PDE7B: variants seen among roughly 807,000 people sequenced by gnomAD.
PDE7B encodes 3',5'-cyclic-AMP phosphodiesterase 7B.
PDE7B carries 29 observed loss-of-function variants against 56.2 expected under a neutral mutation model. The ratio of observed to expected loss-of-function variants is 0.52; its 90% CI spans 0.38 to 0.70. The LOEUF is 0.70. PDE7B is among the 30% of genes least tolerant of loss of function. The pLI is 0.00. For missense variants in PDE7B, 490 were observed against 565.0 expected, an observed-to-expected ratio of 0.87 and a Z score of 1.35; for synonymous variants, 197 against 196.9, an observed-to-expected ratio of 1.00 and a Z score of 0.00.
intron 2 of PDE7B, among the ~76,000 whole-genome samples, chr6:136,102,543 G>A (rs1323682619): frequency 6.6e-6 from 1 of 152,184 alleles, no homozygotes; most frequent in African/African-American, 2.4e-5. Flanking sequence ...TAGTCCCCAA[G>A]TTGACTCCTC....
Position 135,891,236 on chromosome 6 carries a change from C to T in PDE7B, c.21+39217C>T, listed in dbSNP as rs544930853. On this transcript the variant is annotated intron_variant, in intron 1 of 12. Transcript: ENST00000308191. Reference sequence around the variant, plus strand: ...ATTAGGCTTCAAAGCAGAAGCCATACATTTATTTTCAAGATGAGAACCCAA... The same window carrying T: ...ATTAGGCTTCAAAGCAGAAGCCATATATTTATTTTCAAGATGAGAACCCAA... Among the ~76,000 whole-genome samples the T allele has an allele frequency of 2.6e-5, 4 of 152,246 alleles. No homozygotes were observed. The East Asian group carries it at 7.7e-4, about 29-fold the overall frequency.
chr6:136,127,578 A>T (rs1020080187), intron 3 of PDE7B, among the ~76,000 whole-genome samples: 3 of 152,126 alleles, frequency 2.0e-5, no homozygotes, highest in African/African-American at 7.2e-5. Flanking sequence ...CTTTTGGCTT[A>T]AAGTTGGTAA....
At chr6:136,165,687 A>G (rs1472682351) in intron 8 of PDE7B, 2 of 152,158 alleles carry the variant, frequency 1.3e-5, no homozygotes, top group African/African-American at 4.8e-5. Flanking sequence ...CAGTGAGAAG[A>G]TAGAATGGGG....
Position 136,148,977 on chromosome 6 carries a change from G to A in PDE7B, c.319-110G>A, listed in dbSNP as rs1778466609. 4.1e-6 allele frequency: 3 copies of A among 738,532 alleles called. No individual in the cohort carries two copies. In the East Asian group the frequency reaches 7.8e-5, roughly 19 times the overall value. The allele number at this position is 738,532 out of a possible 1,614,324, so 45.7% of individuals were successfully genotyped here. On this transcript the variant is annotated intron_variant, in intron 4 of 12. Transcript: ENST00000308191. ...AACCATTCATTTGCACTAGATGGTA[G>A]TATGCTAGGATTTTCAACTTTTTAA... is the stretch of plus-strand genomic sequence containing the variant.
rs570728482 is a variant in PDE7B at position 136,146,013 on chromosome 6, T to C, written c.167-1338T>C. 5.9e-5 allele frequency among the ~76,000 whole-genome samples: 9 copies of C among 152,284 alleles called. No homozygotes were observed. The South Asian group carries it at 1.0e-3, about 18-fold the overall frequency. ...GTGTAAAACTGAACCACTCCAGACC[T>C]GGTCCACCTATAGCCTGCCCTTGAA... On this transcript the variant is annotated intron_variant, in intron 3 of 12. Transcript: ENST00000308191.
intron 2 of PDE7B, among the ~76,000 whole-genome samples, chr6:136,060,964 T>C (rs966169938): frequency 1.3e-5 from 2 of 152,244 alleles, no homozygotes; most frequent in Admixed American, 6.5e-5. Context: ...TTCTGGAACA[T>C]TGTGCCATGC....
chr6:135,914,015 G>A (rs772584325), intron 1 of PDE7B, among the ~76,000 whole-genome samples: 4 of 152,132 alleles, frequency 2.6e-5, no homozygotes, highest in Non-Finnish European at 5.9e-5. Flanking sequence ...GAGTGAGTGT[G>A]AGATCTCACT....
chr6:136,027,014 G>A (rs1776164323), intron 2 of PDE7B, among the ~76,000 whole-genome samples: 1 of 152,150 alleles, frequency 6.6e-6, no homozygotes, highest in South Asian at 2.1e-4. Context: ...CACCTTTATA[G>A]AAAGAGACAC....
chr6:135,952,829 A>G (rs1188862806), intron 2 of PDE7B, among the ~76,000 whole-genome samples: 1 of 152,160 alleles, frequency 6.6e-6, no homozygotes, highest in Non-Finnish European at 1.5e-5. Context: ...TACTGTCATC[A>G]TTGGCCCTAA....
intron 2 of PDE7B, among the ~76,000 whole-genome samples, chr6:136,035,963 A>G (rs1776320450): frequency 6.6e-6 from 1 of 152,234 alleles, no homozygotes; most frequent in Admixed American, 6.5e-5. Context: ...GCTAAGTACT[A>G]TTGCAAAATA....
At chr6:135,918,519 T>C (rs936139945) in intron 1 of PDE7B, among the ~76,000 whole-genome samples, 1 of 152,216 alleles carries the variant, frequency 6.6e-6, no homozygotes, top group South Asian at 2.1e-4. Context: ...TCCAGTTTTG[T>C]TTCTGTACCA....
chr6:135,959,475 A>G (rs1176098737), intron 2 of PDE7B, among the ~76,000 whole-genome samples: 1 of 152,200 alleles, frequency 6.6e-6, no homozygotes, highest in Admixed American at 6.5e-5. Context: ...GAACTCAAAA[A>G]TACATTTTCC....
intron 2 of PDE7B, among the ~76,000 whole-genome samples, chr6:135,968,390 T>C (rs975411753): frequency 1.1e-4 from 16 of 151,976 alleles, no homozygotes; most frequent in African/African-American, 3.9e-4. Context: ...TGAGAGAAAA[T>C]TTTTGCAATC....
intron 1 of PDE7B, among the ~76,000 whole-genome samples, chr6:135,900,416 A>G (rs1230535616): frequency 6.6e-6 from 1 of 152,090 alleles, no homozygotes; most frequent in African/African-American, 2.4e-5. Context: ...ATTCCTAAAG[A>G]TTTCCCAGTG....
At chr6:136,187,195 C>T (rs1313107401) in intron 12 of PDE7B, 79 bp downstream of exon 12, 2 of 779,614 alleles carry the variant, frequency 2.6e-6, no homozygotes, top group African/African-American at 3.5e-5. Context: ...GATCTAAACA[C>T]AGCTTTCAAA....
intron 1 of PDE7B, among the ~76,000 whole-genome samples, chr6:135,880,131 C>A (rs983126909): frequency 6.6e-6 from 1 of 152,126 alleles, no homozygotes; most frequent in African/African-American, 2.4e-5. Context: ...CACATCCTGA[C>A]ATTGCTGACA....
At chr6:136,030,935 T>A (rs140048444) in intron 2 of PDE7B, among the ~76,000 whole-genome samples, 54 of 152,348 alleles carry the variant, frequency 3.5e-4, no homozygotes, top group African/African-American at 1.3e-3. Flanking sequence ...ATTTATTGCA[T>A]GGGCTTATAG....
intron 2 of PDE7B, among the ~76,000 whole-genome samples, chr6:135,991,715 G>T (rs901762197): frequency 2.0e-5 from 3 of 152,152 alleles, no homozygotes; most frequent in African/African-American, 7.2e-5. Flanking sequence ...TGCTTTTTAA[G>T]TGTGATATCA....
At chr6:135,888,518 C>T (rs1468956214) in intron 1 of PDE7B, among the ~76,000 whole-genome samples, 1 of 151,872 alleles carries the variant, frequency 6.6e-6, no homozygotes, top group Non-Finnish European at 1.5e-5. Context: ...AGAATAGGTT[C>T]TTGTTATTTT....
Sources: allele counts gnomAD v4.1 joint callset (sites outside exome capture counted in the v4.1 genomes callset), GRCh38; gene constraint gnomAD v4.1.1; transcripts MANE v1.5; gene names NCBI Gene and HGNC (gene_info 2026-07-23, HGNC 2026-07-21).